The following DIXDC1 variants were observed in gnomAD, a reference collection of about 807,000 sequenced individuals.
DIXDC1 encodes DIX domain containing 1, also known as dixin.
In DIXDC1, 64 loss-of-function variants were observed where a neutral mutation model predicts 103.1. That is an observed-to-expected ratio of 0.62 (90% CI 0.51 to 0.76). The LOEUF (loss-of-function observed/expected upper bound fraction) is 0.76. DIXDC1 is among the 30% of genes least tolerant of loss of function. The pLI, the probability that DIXDC1 is intolerant of heterozygous loss-of-function variation, is 0.00. For synonymous variants in DIXDC1, 266 were observed against 298.5 expected (o/e 0.89, Z 1.12); for missense variants, 759 against 834.2 (o/e 0.91, Z 1.11).
Position 111,998,208 on chromosome 11 carries a change from A to G in DIXDC1, c.1756+2062A>G, listed in dbSNP as rs1289169860. 6.6e-6 allele frequency among the ~76,000 whole-genome samples: 1 copy of G among 152,202 alleles called. No individual in the cohort carries two copies. Among genetic ancestry groups the G allele is most frequent in the Non-Finnish European group, 1.5e-5 (1 of 68,042 alleles). ...TCAGTGTCATTCAGATATTCATTTA[A>G]CATATTTACTAAGCATCCATTATTC... On this transcript the variant is annotated intron_variant, in intron 17 of 19. Transcript: ENST00000440460. This position sits in a 1 kb window ranked among gnomAD's most constrained non-coding sequence, Gnocchi z 4.1.
Position 111,977,567 on chromosome 11 carries a change from C to A in DIXDC1, c.656+2584C>A. 1 of 1,489,272 alleles carries A rather than the reference C, an allele frequency of 6.7e-7. No homozygotes were observed. Among genetic ancestry groups the A allele is most frequent in the South Asian group, 1.3e-5 (1 of 74,626 alleles). The allele number at this position is 1,489,272 out of a possible 1,614,324, so 92.3% of individuals were successfully genotyped here. ...GCTTCAGAGCCTGGAGCATCCCAGTCGCTGGGGCCGAGACGCCGCCGCCGC... is the reference window on the plus strand; with the variant it reads ...GCTTCAGAGCCTGGAGCATCCCAGTAGCTGGGGCCGAGACGCCGCCGCCGC... On this transcript the variant is annotated intron_variant, in intron 5 of 19. Coordinates refer to ENST00000440460, the MANE Select transcript of DIXDC1 (RefSeq NM_001037954.4). The surrounding 1 kb of genome is among the most constrained non-coding windows in gnomAD (Gnocchi z 6.1).
At chr11:111,971,409 T>A (rs1226061083) in intron 3 of DIXDC1, among the ~76,000 whole-genome samples, 1 of 152,156 alleles carries the variant, frequency 6.6e-6, no homozygotes, top group Non-Finnish European at 1.5e-5. Context: ...AATGAGATAC[T>A]ATCTCACACC....
intron 3 of DIXDC1, among the ~76,000 whole-genome samples, chr11:111,973,301 G>A (rs1469023041): frequency 2.0e-5 from 3 of 151,848 alleles, no homozygotes; most frequent in Non-Finnish European, 4.4e-5. Context: ...GAACCTGGGA[G>A]GTAGAGGTTG....
chr11:111,967,120 C>T (rs1473674975), intron 2 of DIXDC1, among the ~76,000 whole-genome samples: 1 of 150,938 alleles, frequency 6.6e-6, no homozygotes, highest in Non-Finnish European at 1.5e-5. Flanking sequence ...GCAGGTTCAG[C>T]CCTCTTATAT....
rs1861777327 is a variant in DIXDC1 at position 112,022,082 on chromosome 11, T to G, written c.*3046T>G. 6.6e-6 allele frequency: 1 copy of G among 152,188 alleles called. No homozygotes were observed. The highest frequency in any genetic ancestry group is 1.5e-5 in the Non-Finnish European group (1 of 68,024). 9.4% of individuals were successfully genotyped at this position (152,188 alleles called of 1,614,324 possible). On this transcript the variant is annotated 3_prime_UTR_variant, in exon 20 of 20. Transcript: ENST00000440460. This position sits in a 1 kb window ranked among gnomAD's most constrained non-coding sequence, Gnocchi z 4.9. ...ATTGGGATACTTTACAATTTTTACA[T>G]TTTTAAATTTGAAGAATTTGTTTTA...
chr11:111,986,928 T>C lies in DIXDC1; in HGVS notation c.1062+4T>C. The C allele has an allele frequency of 1.9e-6, 3 of 1,571,246 alleles. No individual in the cohort carries two copies. The highest frequency in any genetic ancestry group is 2.6e-6 in the Non-Finnish European group (3 of 1,156,892). ...GGAGGAGAATCAGGACTTAAAGGTA[T>C]GTCAAGACATGTACATTTTACCCCT... On this transcript the variant is annotated splice_donor_region_variant and intron_variant, in intron 9 of 19. Transcript: ENST00000440460.
intron 1 of DIXDC1, among the ~76,000 whole-genome samples, chr11:111,952,442 C>T (rs1407445185): frequency 2.0e-5 from 3 of 152,152 alleles, no homozygotes; most frequent in African/African-American, 7.2e-5. Context: ...TACCTGTAAT[C>T]CCAGACTTTG....
At position 111,984,598 on chromosome 11, in the gene DIXDC1, C is replaced by T. The variant is rs587725248; in HGVS notation, c.919-634C>T. Reference sequence around the variant, plus strand: ...AGGACCTTGGGAGAGGCAATGCATGCGGGGGGCCTACAGCTGGAGCTTTCT... The same window carrying T: ...AGGACCTTGGGAGAGGCAATGCATGTGGGGGGCCTACAGCTGGAGCTTTCT... On this transcript the variant is annotated intron_variant, in intron 7 of 19. Transcript: ENST00000440460. 5.3e-5 allele frequency among the ~76,000 whole-genome samples: 8 copies of T among 152,132 alleles called. No individual in the cohort carries two copies. The South Asian group carries it at 6.2e-4, about 12-fold the overall frequency.
In DIXDC1 at chr11:111,998,256, G is replaced by A. The variant is rs1163408670; in HGVS notation, c.1756+2110G>A. Among the ~76,000 whole-genome samples the A allele has an allele frequency of 6.6e-6, 1 of 152,178 alleles. No individual in the cohort carries two copies. The highest frequency in any genetic ancestry group is 1.9e-4 in the East Asian group (1 of 5,202). On this transcript the variant is annotated intron_variant, in intron 17 of 19. Coordinates refer to ENST00000440460, the MANE Select transcript of DIXDC1 (RefSeq NM_001037954.4). This position sits in a 1 kb window ranked among gnomAD's most constrained non-coding sequence, Gnocchi z 4.1. ...TTCACCATCAATGTTAGATGCTGGA[G>A]ATATAGAGATGAAGAGGTTAGACTT...
chr11:111,986,149 C>T (rs1306374700), intron 8 of DIXDC1, among the ~76,000 whole-genome samples: 1 of 152,276 alleles, frequency 6.6e-6, no homozygotes, highest in Admixed American at 6.5e-5. Flanking sequence ...CCTGTCTTCC[C>T]CTAATTAAGT....
chr11:111,952,691 G>A (rs149710450), intron 1 of DIXDC1, among the ~76,000 whole-genome samples: 1,733 of 152,002 alleles, frequency 0.011, 39 homozygotes, highest in African/African-American at 0.04. Flanking sequence ...GTGGTGGTGC[G>A]TGCCTGTAAT....
intron 17 of DIXDC1, among the ~76,000 whole-genome samples, chr11:112,003,696 G>A (rs948351673): frequency 2.0e-5 from 3 of 151,580 alleles, no homozygotes; most frequent in Non-Finnish European, 2.9e-5. Flanking sequence ...TACTCGGGAG[G>A]CTGAGGCAGG....
chr11:111,992,901 G>A, intron 11 of DIXDC1, 50 bp from the exon 12 acceptor site: 1 of 1,559,492 alleles, frequency 6.4e-7, no homozygotes, highest in Non-Finnish European at 8.7e-7. Flanking sequence ...GTTTCCTTGA[G>A]GGTTAGCAGG....
At chr11:111,986,963 T>A in intron 9 of DIXDC1, 39 bp downstream of exon 9, 1 of 1,529,694 alleles carries the variant, frequency 6.5e-7, no homozygotes, top group South Asian at 1.2e-5. Context: ...TTAAAAACAT[T>A]ATGGGGGCCA....
chr11:112,012,033 A>C (rs1021804392), intron 17 of DIXDC1, among the ~76,000 whole-genome samples: 11 of 152,272 alleles, frequency 7.2e-5, no homozygotes, highest in Admixed American at 1.3e-4. Context: ...GACTATACTG[A>C]CAAGTATAAA....
At position 111,964,653 on chromosome 11, in the gene DIXDC1, C is replaced by G. The variant is rs1555171348; in HGVS notation, c.165C>G (p.Ile55Met). The change falls in exon 2 of 20, where the codon ATC (isoleucine) becomes ATG (methionine). Residue 55 changes from isoleucine to methionine, a missense_variant. Around this residue, in one of 3 missense-constraint regions of DIXDC1, gnomAD observed 97 missense variants for 85.4 expected, o/e 1.14. Coordinates refer to ENST00000440460, the MANE Select transcript of DIXDC1 (RefSeq NM_001037954.4). The stretch of plus-strand genomic sequence containing the variant: ...GACAAGATCTCCGGGATGGGGTGAT[C>G]CTGGCATATCTCATCGAGATTGTTG... ...DLRQDLRDGV[I>M]LAYLIEIVAG... is the part of the protein sequence containing the mutation. The G allele has an allele frequency of 1.9e-6, 3 of 1,610,610 alleles. No individual in the cohort carries two copies. The highest frequency in any genetic ancestry group is 1.7e-6 in the Non-Finnish European group (2 of 1,178,664).
At chr11:111,932,947 T>C (rs1966078144), upstream of DIXDC1, among the ~76,000 whole-genome samples, 1 of 152,212 alleles carries the variant, frequency 6.6e-6, no homozygotes, top group African/African-American at 2.4e-5. Context: ...GTGCTCAGTA[T>C]CTATTTAATG....
At position 112,007,675 on chromosome 11, in the gene DIXDC1, T is replaced by C. The variant is rs587625558; in HGVS notation, c.1757-9016T>C. Among the ~76,000 whole-genome samples, 6 of 152,084 alleles carry C rather than the reference T, an allele frequency of 3.9e-5. No individual in the cohort carries two copies. The South Asian group carries it at 8.3e-4, about 21-fold the overall frequency. On this transcript the variant is annotated intron_variant, in intron 17 of 19. Coordinates refer to ENST00000440460, the MANE Select transcript of DIXDC1 (RefSeq NM_001037954.4). Reference sequence around the variant, plus strand: ...ATTCAACATTCTTAAAGAAAAGAGTTTTCAACGCAAAATTTCATATCCAGC... The same window carrying C: ...ATTCAACATTCTTAAAGAAAAGAGTCTTCAACGCAAAATTTCATATCCAGC...
At chr11:111,948,449 C>G (rs1267277916) in intron 1 of DIXDC1, among the ~76,000 whole-genome samples, 1 of 152,148 alleles carries the variant, frequency 6.6e-6, no homozygotes, top group African/African-American at 2.4e-5. Flanking sequence ...TTCCTTTGCC[C>G]TGGTGGTCAC....
Sources: gnomAD v4.1 joint callset for allele counts (sites outside exome capture counted in the v4.1 genomes callset) on GRCh38, gnomAD v4.1.1 for gene constraint, gnomAD v4.1.1 regional missense constraint, Gnocchi (gnomAD v3.1) non-coding constraint, MANE v1.5 for transcripts, NCBI Gene and HGNC (gene_info 2026-07-23, HGNC 2026-07-21) for gene names.